The following AUP1 variants were observed in gnomAD, a reference collection of about 807,000 sequenced individuals.
AUP1 encodes the protein lipid droplet-regulating VLDL assembly factor AUP1.
AUP1 carries 30 observed loss-of-function variants against 51.8 expected under a neutral mutation model. That is an observed-to-expected ratio of 0.58 (90% CI 0.43 to 0.79). The LOEUF is 0.79. AUP1 is among the 30% of genes least tolerant of loss of function. The pLI is 0.00. For missense variants in AUP1, 492 were observed against 517.1 expected (o/e 0.95, Z 0.47); for synonymous variants, 227 against 209.0 (o/e 1.09, Z -0.74).
intron 3 of AUP1, 32 bp from the exon 4 acceptor site, chr2:74,528,967 A>C: frequency 1.2e-6 from 2 of 1,603,770 alleles, no homozygotes; most frequent in Non-Finnish European, 1.7e-6. Context: ...AGCAAGAAGA[A>C]AAATATTGAG....
In AUP1 at chr2:74,528,732, A is replaced by C. The variant is rs1453733130; in HGVS notation, c.524+19T>G. On this transcript the variant is annotated intron_variant, in intron 4 of 11. Coordinates refer to ENST00000377526, the MANE Select transcript of AUP1 (RefSeq NM_181575.5). ...TGACCACCTACCCAGCTGGCGCCCC[A>C]TACCTGTGCTAAACCCACCTGAAGC... 1 of 1,571,566 alleles carries C rather than the reference A, an allele frequency of 6.4e-7. No homozygotes were observed. The highest frequency in any genetic ancestry group is 8.6e-7 in the Non-Finnish European group (1 of 1,161,050).
At chr2:74,527,175 C>T (rs1176515960) in intron 10 of AUP1, 73 bp downstream of exon 10, 1 of 1,599,834 alleles carries the variant, frequency 6.3e-7, no homozygotes, top group Non-Finnish European at 8.5e-7. Flanking sequence ...AAAGAAAGGT[C>T]AGGGATAAGG....
In AUP1 at chr2:74,527,078, C is replaced by A; in HGVS notation, c.1078-19G>T. ...TGGGAAACTGAGGTGATCACAATGT[C>A]AGAGGGCTTGCGGAGTCATCATCAT... On this transcript the variant is annotated intron_variant, in intron 10 of 11. Coordinates refer to ENST00000377526, the MANE Select transcript of AUP1 (RefSeq NM_181575.5). The A allele has an allele frequency of 6.2e-7, 1 of 1,614,094 alleles. No individual in the cohort carries two copies. Among genetic ancestry groups the A allele is most frequent in the South Asian group, 1.1e-5 (1 of 91,036 alleles).
Position 74,527,074 on chromosome 2 carries a change from A to G in AUP1, c.1078-15T>C, listed in dbSNP as rs41285993. 5.6e-6 allele frequency: 9 copies of G among 1,614,136 alleles called. No individual in the cohort carries two copies. Among genetic ancestry groups the G allele is most frequent in the East Asian group, 2.2e-5 (1 of 44,874 alleles). ...GAGCTGGGAAACTGAGGTGATCACA[A>G]TGTCAGAGGGCTTGCGGAGTCATCA... On this transcript the variant is annotated splice_polypyrimidine_tract_variant and intron_variant, in intron 10 of 11. Transcript: ENST00000377526.
chr2:74,526,882 C>T, intron 11 of AUP1, 46 bp from the exon 12 acceptor site: 2 of 1,604,396 alleles, frequency 1.2e-6, no homozygotes, highest in Non-Finnish European at 1.7e-6. Context: ...GCCGTAGTAG[C>T]TCCATAATTC....
chr2:74,529,654 C>CCGT lies in AUP1; in HGVS notation c.-28_-26dup. 1 of 1,546,606 alleles carries CCGT rather than the reference C, an allele frequency of 6.5e-7. No individual in the cohort carries two copies. Among genetic ancestry groups the CCGT allele is most frequent in the Non-Finnish European group, 8.7e-7 (1 of 1,148,306 alleles). ...TAACTGCTGCTTCAGGAGCGCCCGG[C>CCGT]CGTCGCCGCCGCCGCCATTTTCGCG... is the stretch of plus-strand genomic sequence containing the variant. On this transcript the variant is annotated 5_prime_UTR_variant, in exon 1 of 12. Transcript: ENST00000377526.
At chr2:74,527,636 G>A in intron 8 of AUP1, 46 bp from the exon 9 acceptor site, 2 of 1,589,798 alleles carry the variant, frequency 1.3e-6, no homozygotes, top group Non-Finnish European at 1.7e-6. Flanking sequence ...GGTAAGTAGA[G>A]AACTAGAAGG....
rs1191552111 is a variant in AUP1 at position 74,529,658 on chromosome 2, C to A, written c.-29G>T. 1.9e-6 allele frequency: 3 copies of A among 1,544,670 alleles called. No individual in the cohort carries two copies. Among genetic ancestry groups the A allele is most frequent in the Non-Finnish European group, 2.6e-6 (3 of 1,147,652 alleles). On this transcript the variant is annotated 5_prime_UTR_variant, in exon 1 of 12. Coordinates refer to ENST00000377526, the MANE Select transcript of AUP1 (RefSeq NM_181575.5). ...TGCTGCTTCAGGAGCGCCCGGCCGT[C>A]GCCGCCGCCGCCATTTTCGCGCCCG...
Position 74,529,614 on chromosome 2 carries a change from C to T in AUP1, c.16G>A (p.Gly6Arg). 6.4e-7 allele frequency: 1 copy of T among 1,568,610 alleles called. No individual in the cohort carries two copies. The highest frequency in any genetic ancestry group is 8.6e-7 in the Non-Finnish European group (1 of 1,157,402). MELPSGPGPERLFDSH... is the reference protein window; with the variant it reads MELPSRPGPERLFDSH... ...TCAAAGAGCCGCTCCGGCCCCGGCCCTGAGGGAAGCTCCATAACTGCTGCT... is the reference window on the plus strand; with the variant it reads ...TCAAAGAGCCGCTCCGGCCCCGGCCTTGAGGGAAGCTCCATAACTGCTGCT... Residue 6 changes from glycine to arginine, a missense_variant, in exon 1 of 12, where the codon GGG (glycine) becomes AGG (arginine). Gly to Arg is a moderately radical substitution (Grantham distance 125, BLOSUM62 -2). Coordinates refer to ENST00000377526, the MANE Select transcript of AUP1 (RefSeq NM_181575.5).
At position 74,526,982 on chromosome 2, in the gene AUP1, G is replaced by C; in HGVS notation, c.1155C>G (p.Ser385Arg). The change falls in exon 11 of 12, where the codon AGC becomes AGG. Residue 385 changes from serine (S) to arginine (R), a missense_variant. Physicochemically the swap from Ser to Arg is moderately radical, Grantham distance 110. Transcript: ENST00000377526. ...ATAGTGCTTGCTTGCGCTCCTGCAG[G>C]CTCTCCTGCCGGGCCCAGGAAGACT... ...FAKSSWARQESLQERKQALYE... is the reference protein window; with the variant it reads ...FAKSSWARQERLQERKQALYE... 6.2e-7 allele frequency: 1 copy of C among 1,614,136 alleles called. No individual in the cohort carries two copies. The highest frequency in any genetic ancestry group is 8.5e-7 in the Non-Finnish European group (1 of 1,180,040).
rs759541157 is a variant in AUP1, at chr2:74,528,888, G to T, written c.387C>A (p.Phe129Leu). ...ACTCCCCCCGCCCATTCATCTCCAT[G>T]AAGCCCCGAGACCAGCACACAAAGC... The part of the protein sequence containing the change: ...PPSFVCWSRG[F>L]MEMNGRGELV... The change falls in exon 4 of 12, where the codon TTC becomes TTA. Residue 129 changes from phenylalanine (F) to leucine (L), a missense_variant. Phe to Leu is a conservative substitution (Grantham distance 22, BLOSUM62 0). Coordinates refer to ENST00000377526, the MANE Select transcript of AUP1 (RefSeq NM_181575.5). 12 of 1,614,126 alleles carry T rather than the reference G, an allele frequency of 7.4e-6. No individual in the cohort carries two copies. In the South Asian group the frequency reaches 1.3e-4, roughly 18 times the overall value.
chr2:74,529,108 G>A (rs1675370018), intron 3 of AUP1, 24 bp downstream of exon 3: 1 of 1,613,786 alleles, frequency 6.2e-7, no homozygotes, highest in African/African-American at 1.3e-5. Flanking sequence ...GCCCCGTGGC[G>A]CTCTCGGCCT....
Position 74,527,946 on chromosome 2 carries a change from T to C in AUP1, c.732A>G (p.Val244=). The stretch of plus-strand genomic sequence containing the variant: ...TGTCTGTGCACCCGACCACCTGTTG[T>C]ACACGGAGTGCAAACTCCTCATTCG... ...GEANEEFALR[V]QQLVAKELGQ... Residue 244 remains valine, a synonymous_variant, in exon 7 of 12, where the codon GTA becomes GTG. Coordinates refer to ENST00000377526, the MANE Select transcript of AUP1 (RefSeq NM_181575.5). The C allele has an allele frequency of 1.2e-6, 2 of 1,614,182 alleles. No homozygotes were observed. The highest frequency in any genetic ancestry group is 1.1e-5 in the South Asian group (1 of 91,084).
rs753461955 is a variant in AUP1 at position 74,528,940 on chromosome 2, G to A, written c.340-5C>T. On this transcript the variant is annotated splice_polypyrimidine_tract_variant and splice_region_variant and intron_variant, in intron 3 of 11. Transcript: ENST00000377526. ...GGGGGGACTATTGAGTAGAGGCTGG[G>A]AACCAGGAGAAGAGAAAGCAAGAAG... The A allele has an allele frequency of 6.2e-7, 1 of 1,613,574 alleles. No individual in the cohort carries two copies. The highest frequency in any genetic ancestry group is 8.5e-7 in the Non-Finnish European group (1 of 1,179,854).
In AUP1 at chr2:74,526,778, G is replaced by A. The variant is rs751032290; in HGVS notation, c.*22C>T. 2.6e-6 allele frequency: 4 copies of A among 1,525,780 alleles called. No individual in the cohort carries two copies. The highest frequency in any genetic ancestry group is 3.5e-6 in the Non-Finnish European group (4 of 1,136,876). The allele number at this position is 1,525,780 out of a possible 1,614,324, so 94.5% of individuals were successfully genotyped here. A position where few individuals can be genotyped will look rare whatever the true frequency, so the allele number is the denominator to read the frequency against. On this transcript the variant is annotated 3_prime_UTR_variant, in exon 12 of 12. Transcript: ENST00000377526. ...CCCAGTCTCCGTCCTGCGGCTCTGG[G>A]TGCCATCCTGTTCCTTTGAGCTCAG...
In AUP1 at chr2:74,528,899, A is replaced by G. The variant is rs775562616; in HGVS notation, c.376T>C (p.Ser126Pro). ...LNSPPSFVCW[S>P]RGFMEMNGRG... ...CCATTCATCTCCATGAAGCCCCGAGACCAGCACACAAAGCTGGGGGGACTA... is the reference window on the plus strand; with the variant it reads ...CCATTCATCTCCATGAAGCCCCGAGGCCAGCACACAAAGCTGGGGGGACTA... Residue 126 changes from serine (S) to proline (P), a missense_variant, in exon 4 of 12, where the codon TCT becomes CCT. Transcript: ENST00000377526. 1.2e-6 allele frequency: 2 copies of G among 1,614,182 alleles called. No homozygotes were observed. The highest frequency in any genetic ancestry group is 1.7e-6 in the Non-Finnish European group (2 of 1,180,034).
At position 74,529,298 on chromosome 2, in the gene AUP1, G is replaced by A; in HGVS notation, c.189-16C>T. The A allele has an allele frequency of 1.2e-6, 2 of 1,614,136 alleles. No individual in the cohort carries two copies. The highest frequency in any genetic ancestry group is 1.7e-6 in the Non-Finnish European group (2 of 1,180,002). On this transcript the variant is annotated splice_polypyrimidine_tract_variant and intron_variant, in intron 2 of 11. Transcript: ENST00000377526. ...CACTACGAATCTGGGGACACAGGAG[G>A]TGGTGACTGTGTGGCCTCGGGCCAG... is the stretch of plus-strand genomic sequence containing the variant.
At position 74,529,642 on chromosome 2, in the gene AUP1, A is replaced by T; in HGVS notation, c.-13T>A. 6.4e-7 allele frequency: 1 copy of T among 1,556,158 alleles called. No homozygotes were observed. Among genetic ancestry groups the T allele is most frequent in the Non-Finnish European group, 8.7e-7 (1 of 1,152,450 alleles). On this transcript the variant is annotated 5_prime_UTR_variant, in exon 1 of 12. It removes the in-frame stop codon of an upstream open reading frame in the 5' UTR. Coordinates refer to ENST00000377526, the MANE Select transcript of AUP1 (RefSeq NM_181575.5). ...AGGGAAGCTCCATAACTGCTGCTTCAGGAGCGCCCGGCCGTCGCCGCCGCC... is the reference window on the plus strand; with the variant it reads ...AGGGAAGCTCCATAACTGCTGCTTCTGGAGCGCCCGGCCGTCGCCGCCGCC...
At chr2:74,527,418 C>T in intron 9 of AUP1, 53 bp downstream of exon 9, 1 of 1,610,924 alleles carries the variant, frequency 6.2e-7, no homozygotes, top group Admixed American at 1.7e-5. Context: ...CCTTCACAAC[C>T]CACTTTTCCT....
Sources: gnomAD v4.1 joint callset for allele counts on GRCh38, gnomAD v4.1.1 for gene constraint, MANE v1.5 for transcripts, NCBI Gene and HGNC (gene_info 2026-07-23, HGNC 2026-07-21) for gene names.